The following ADGRV1 variants were observed in gnomAD, a reference collection of about 807,000 sequenced individuals.
ADGRV1 encodes the protein adhesion G protein-coupled receptor V1, also known as G-protein coupled receptor 98.
In ADGRV1, 359 loss-of-function variants were observed where a neutral mutation model predicts 596.2. The observed-to-expected ratio is 0.60, with a 90% confidence interval of 0.55 to 0.66. ADGRV1 has a LOEUF of 0.66. Among genes scored for constraint, ADGRV1 ranks in the 30% least tolerant of loss-of-function variants. The pLI is 0.00. For missense variants in ADGRV1, 7,274 were observed against 7,575.6 expected, an observed-to-expected ratio of 0.96 and a Z score of 1.48; for synonymous variants, 2,681 against 2,679.2, an observed-to-expected ratio of 1.00 and a Z score of -0.02.
intron 45 of ADGRV1, 137 bp downstream of exon 45, chr5:90,721,196 A>T: frequency 1.4e-6 from 1 of 740,480 alleles, no homozygotes; most frequent in Middle Eastern, 4.1e-4. Flanking sequence ...CTTTTATTGC[A>T]TCTATAAATA....
At chr5:90,619,311 G>C in intron 4 of ADGRV1, 130 bp downstream of exon 4, 2 of 454,366 alleles carry the variant, frequency 4.4e-6, no homozygotes, top group Non-Finnish European at 7.8e-6. Context: ...CTTTAACTTT[G>C]TCCCTGTTTC....
chr5:90,880,168 A>C (rs763220600), intron 83 of ADGRV1, among the ~76,000 whole-genome samples: 3 of 152,114 alleles, frequency 2.0e-5, no homozygotes, highest in Non-Finnish European at 4.4e-5. Flanking sequence ...TTTTATACTA[A>C]ATAAACTTAA....
At position 90,810,300 on chromosome 5, in the gene ADGRV1, A is replaced by G. The variant is rs1169673859; in HGVS notation, c.15040A>G (p.Ile5014Val). Residue 5014 changes from isoleucine (I) to valine (V), a missense_variant, in exon 74 of 90, where the codon ATC (isoleucine) becomes GTC (valine). Physicochemically the swap from Ile to Val is conservative, Grantham distance 29. Transcript: ENST00000405460. ...VFQFSTSSRN[I>V]IVSEDTQMIR... ...CCAATTTTCCACTAGCTCAAGAAAT[A>G]TCATAGTGTCAGAAGATACACAGAT... The G allele has an allele frequency of 1.2e-6, 2 of 1,607,498 alleles. No homozygotes were observed. Among genetic ancestry groups the G allele is most frequent in the Non-Finnish European group, 1.7e-6 (2 of 1,176,698 alleles).
At chr5:90,960,137 CAAAAAAA>C (rs35383493) in intron 83 of ADGRV1, among the ~76,000 whole-genome samples, 1 of 104,012 alleles carries the variant, frequency 9.6e-6, no homozygotes, top group African/African-American at 3.6e-5. Context: ...AGACTCATCT[CAAAAAAA>C]AAAAAAAAAC....
At chr5:90,761,442 A>T (rs1308710649) in intron 58 of ADGRV1, among the ~76,000 whole-genome samples, 1 of 152,246 alleles carries the variant, frequency 6.6e-6, no homozygotes, top group Non-Finnish European at 1.5e-5. Flanking sequence ...AGTTTAGATT[A>T]CAAGTTCAGC....
rs888568937 is a variant in ADGRV1, at chr5:90,745,258, A to T, written c.10762A>T (p.Ile3588Phe). The T allele has an allele frequency of 2.5e-6, 4 of 1,580,126 alleles. No individual in the cohort carries two copies. Among genetic ancestry groups the T allele is most frequent in the Non-Finnish European group, 3.4e-6 (4 of 1,166,320 alleles). ...LAYISSHSDFIPSSGELIFEP... is the reference protein window; with the variant it reads ...LAYISSHSDFFPSSGELIFEP... ...CTACATTTCCAGCCATTCTGACTTT[A>T]TTCCTAGGTAGGTTCAACATTTTTT... Residue 3588 changes from isoleucine to phenylalanine, a missense_variant, in exon 51 of 90, where the codon ATT becomes TTT. Around this residue, in one of 5 missense-constraint regions of ADGRV1, gnomAD observed 3,643 missense variants for 3,809.2 expected, o/e 0.96. Transcript: ENST00000405460.
intron 77 of ADGRV1, among the ~76,000 whole-genome samples, chr5:90,831,417 T>C (rs1347158594): frequency 6.6e-6 from 1 of 152,076 alleles, no homozygotes; most frequent in African/African-American, 2.4e-5. Context: ...CCAGTATTTT[T>C]ATTTTTTAAT....
chr5:90,569,354 GATATATATATAT>G (rs1185532852), intron 1 of ADGRV1, among the ~76,000 whole-genome samples: 148 of 12,790 alleles, frequency 0.012, 3 homozygotes, highest in Middle Eastern at 0.083. Flanking sequence ...CTGTTTGCAT[GATATATATATAT>G]ATATATATAT....
rs1309560650 is a variant in ADGRV1 at position 90,834,233 on chromosome 5, CA to C, written c.16611+5048del. Among the ~76,000 whole-genome samples the C allele has an allele frequency of 2.0e-5, 3 of 152,170 alleles. No homozygotes were observed. In the East Asian group the frequency reaches 5.8e-4, roughly 29 times the overall value. Reference sequence around the variant, plus strand: ...AATTTTCTGTGTCCTTGCTATTAACCATGAGTTTTGTACATTCAGATGATTT... The same window carrying C: ...AATTTTCTGTGTCCTTGCTATTAACCTGAGTTTTGTACATTCAGATGATTT... On this transcript the variant is annotated intron_variant, in intron 77 of 89. Transcript: ENST00000405460.
At chr5:90,954,550 G>A (rs766122532) in intron 83 of ADGRV1, among the ~76,000 whole-genome samples, 34 of 151,992 alleles carry the variant, frequency 2.2e-4, no homozygotes, top group African/African-American at 6.5e-4. Flanking sequence ...ACCTTTTCTC[G>A]TACTTGCTCA....
At chr5:90,842,483 C>T (rs932919983) in intron 78 of ADGRV1, among the ~76,000 whole-genome samples, 7 of 152,022 alleles carry the variant, frequency 4.6e-5, no homozygotes, top group Non-Finnish European at 5.9e-5. Context: ...GATTGGGAGG[C>T]GGAGGCAGGC....
intron 71 of ADGRV1, among the ~76,000 whole-genome samples, chr5:90,804,441 CAG>C (rs1456852198): frequency 6.6e-6 from 1 of 152,014 alleles, no homozygotes; most frequent in Non-Finnish European, 1.5e-5. Flanking sequence ...CTCACTGTAA[CAG>C]AGAATCTAGG....
chr5:90,972,011 A>G lies in ADGRV1; in HGVS notation c.17973+6480A>G, dbSNP rs144645309. ...AAAATAAAGGGATGGAGGAAAATCT[A>G]CCAAGCAAATGGAAAACAAAAAAAG... On this transcript the variant is annotated intron_variant, in intron 84 of 89. Coordinates refer to ENST00000405460, the MANE Select transcript of ADGRV1 (RefSeq NM_032119.4). Among the ~76,000 whole-genome samples, 1,427 of 152,316 alleles carry G rather than the reference A, an allele frequency of 9.4e-3. 16 individuals are homozygous for G. The highest frequency in any genetic ancestry group is 0.033 in the African/African-American group (1,369 of 41,562).
chr5:90,829,144 T>A lies in ADGRV1; in HGVS notation c.16569T>A (p.Asp5523Glu). The change falls in exon 77 of 90, where the codon GAT becomes GAA. Residue 5523 changes from aspartate to glutamate, a missense_variant. Coordinates refer to ENST00000405460, the MANE Select transcript of ADGRV1 (RefSeq NM_032119.4). ...TAATCAGTCTGCAGGTGGCCAGAGATTCTGGGACAGGACTAATGATGTCTG... is the reference window on the plus strand; with the variant it reads ...TAATCAGTCTGCAGGTGGCCAGAGAATCTGGGACAGGACTAATGATGTCTG... The part of the protein sequence containing the change: ...ATLISLQVAR[D>E]SGTGLMMSVN... 1 of 1,600,050 alleles carries A rather than the reference T, an allele frequency of 6.2e-7. No homozygotes were observed. The highest frequency in any genetic ancestry group is 1.1e-5 in the South Asian group (1 of 88,550).
intron 9 of ADGRV1, among the ~76,000 whole-genome samples, chr5:90,631,629 C>G (rs544385679): frequency 1.3e-5 from 2 of 152,254 alleles, no homozygotes; most frequent in East Asian, 3.9e-4. Context: ...GGATAACTTA[C>G]TCTCTGGAGG....
chr5:91,079,417 G>T (rs890075798), intron 86 of ADGRV1, among the ~76,000 whole-genome samples: 2 of 152,128 alleles, frequency 1.3e-5, no homozygotes, highest in African/African-American at 4.8e-5. Context: ...AATCCTCGAA[G>T]ATTCATATCA....
chr5:90,861,634 C>G (rs1023527999), intron 82 of ADGRV1, among the ~76,000 whole-genome samples: 1 of 151,966 alleles, frequency 6.6e-6, no homozygotes, highest in African/African-American at 2.4e-5. Flanking sequence ...AAAAATCATT[C>G]TATTTATAGT....
intron 89 of ADGRV1, among the ~76,000 whole-genome samples, chr5:91,158,373 T>A (rs1319553863): frequency 2.6e-5 from 4 of 152,218 alleles, no homozygotes; most frequent in African/African-American, 9.6e-5. Context: ...ATAAAAGCTT[T>A]TTCTGTGGTT....
At chr5:91,130,260 G>A (rs1168376301) in intron 87 of ADGRV1, among the ~76,000 whole-genome samples, 2 of 149,674 alleles carry the variant, frequency 1.3e-5, no homozygotes, top group South Asian at 2.1e-4. Flanking sequence ...GGCCAGGCAC[G>A]GTGGCTCATG....
Sources: allele counts gnomAD v4.1 joint callset (sites outside exome capture counted in the v4.1 genomes callset), GRCh38; gene constraint gnomAD v4.1.1; regional missense constraint gnomAD v4.1.1; transcripts MANE v1.5; gene names NCBI Gene and HGNC (gene_info 2026-07-23, HGNC 2026-07-21).